Variants in RCAN2 observed in about 807,000 individuals in gnomAD.
RCAN2 encodes the protein regulator of calcineurin 2, also known as calcipressin-2.
A neutral mutation model predicts 23.6 loss-of-function variants in RCAN2; 9 were observed. The ratio of observed to expected loss-of-function variants is 0.38; its 90% confidence interval spans 0.23 to 0.67. The LOEUF (loss-of-function observed/expected upper bound fraction) is 0.67. Among genes scored for constraint, RCAN2 ranks in the 30% least tolerant of loss-of-function variants. The pLI, the probability that RCAN2 is intolerant of heterozygous loss-of-function variation, is 0.51. For synonymous variants in RCAN2, 109 were observed against 115.7 expected (o/e 0.94, Z 0.37); for missense variants, 273 against 302.3 (o/e 0.90, Z 0.72).
At chr6:46,273,166 C>G (rs1767573190) in intron 2 of RCAN2, among the ~76,000 whole-genome samples, 1 of 152,192 alleles carries the variant, frequency 6.6e-6, no homozygotes, top group African/African-American at 2.4e-5. Flanking sequence ...AGCTCACGCT[C>G]ACACTATTTT....
intron 1 of RCAN2, among the ~76,000 whole-genome samples, chr6:46,472,641 T>C (rs1272386346): frequency 1.3e-5 from 2 of 152,156 alleles, no homozygotes; most frequent in African/African-American, 2.4e-5. Flanking sequence ...TGCCTCTCTT[T>C]CCAACCTGCA....
chr6:46,244,640 T>C (rs1561824540), intron 4 of RCAN2, among the ~76,000 whole-genome samples: 1 of 152,238 alleles, frequency 6.6e-6, no homozygotes, highest in South Asian at 2.1e-4. Context: ...AAGTCTGACA[T>C]AGCCTGAGCC....
intron 2 of RCAN2, among the ~76,000 whole-genome samples, chr6:46,394,258 G>T (rs1322550190): frequency 2.0e-5 from 3 of 152,228 alleles, no homozygotes; most frequent in African/African-American, 7.2e-5. Flanking sequence ...TTCAGTAGCA[G>T]TAAATCTGGA....
chr6:46,476,013 A>C (rs999501001), intron 1 of RCAN2, among the ~76,000 whole-genome samples: 4 of 152,334 alleles, frequency 2.6e-5, no homozygotes, highest in Middle Eastern at 3.4e-3. Context: ...ACACTGGTGA[A>C]GAAGGGGTAG....
chr6:46,394,498 G>A (rs1356702709), intron 2 of RCAN2, among the ~76,000 whole-genome samples: 1 of 151,524 alleles, frequency 6.6e-6, no homozygotes, highest in Non-Finnish European at 1.5e-5. Flanking sequence ...TAAAGAATTG[G>A]TCCAAAAGGC....
At chr6:46,252,399 G>A (rs545553974) in intron 2 of RCAN2, among the ~76,000 whole-genome samples, 5 of 152,194 alleles carry the variant, frequency 3.3e-5, no homozygotes, top group Non-Finnish European at 5.9e-5. Context: ...ATTTCTCCTC[G>A]ATCGTTAGTT....
At chr6:46,351,114 T>C (rs1396670425) in intron 2 of RCAN2, among the ~76,000 whole-genome samples, 1 of 152,234 alleles carries the variant, frequency 6.6e-6, no homozygotes. Context: ...AGTGGCATTA[T>C]TGGATAAAAT....
At chr6:46,273,403 CT>C (rs1209067816) in intron 2 of RCAN2, among the ~76,000 whole-genome samples, 2 of 152,178 alleles carry the variant, frequency 1.3e-5, no homozygotes. Context: ...TTAAAAGTTG[CT>C]TTCACATGTG....
chr6:46,341,938 G>A (rs979257931), intron 2 of RCAN2, among the ~76,000 whole-genome samples: 2 of 152,184 alleles, frequency 1.3e-5, no homozygotes, highest in African/African-American at 4.8e-5. Context: ...ACAGGGAAAT[G>A]CACAAGAAGG....
chr6:46,483,452 C>T (rs1768917863), intron 1 of RCAN2, among the ~76,000 whole-genome samples: 1 of 152,132 alleles, frequency 6.6e-6, no homozygotes, highest in Non-Finnish European at 1.5e-5. Context: ...CTCTCCCCAC[C>T]CATGATATCT....
chr6:46,468,767 T>G (rs1768466672), intron 1 of RCAN2: 1 of 974,526 alleles, frequency 1.0e-6, no homozygotes, highest in South Asian at 4.7e-5. Flanking sequence ...ACTCTTTCTC[T>G]CTCTCCGCTA....
At chr6:46,479,705 C>T (rs1024647289) in intron 1 of RCAN2, among the ~76,000 whole-genome samples, 9 of 151,180 alleles carry the variant, frequency 6.0e-5, no homozygotes, top group Admixed American at 5.3e-4. Flanking sequence ...GCCTCAGCCT[C>T]CTGAGTAGCT....
chr6:46,291,967 C>G (rs1372289988), intron 2 of RCAN2, among the ~76,000 whole-genome samples: 1 of 152,200 alleles, frequency 6.6e-6, no homozygotes, highest in Non-Finnish European at 1.5e-5. Flanking sequence ...CGGCAACCAG[C>G]ACAAGTAGCT....
chr6:46,353,917 A>G (rs1764744221), intron 2 of RCAN2, among the ~76,000 whole-genome samples: 1 of 152,212 alleles, frequency 6.6e-6, no homozygotes, highest in African/African-American at 2.4e-5. Flanking sequence ...ATGACATTTT[A>G]AAACCCATGG....
intron 2 of RCAN2, among the ~76,000 whole-genome samples, chr6:46,406,030 G>C (rs971073074): frequency 6.6e-6 from 1 of 152,222 alleles, no homozygotes; most frequent in Non-Finnish European, 1.5e-5. Flanking sequence ...CTCACTGCCC[G>C]GGGCAGCAGG....
chr6:46,368,328 A>T (rs1251662656), intron 2 of RCAN2, among the ~76,000 whole-genome samples: 1 of 152,194 alleles, frequency 6.6e-6, no homozygotes, highest in Non-Finnish European at 1.5e-5. Context: ...TTCTGGTATC[A>T]TATGCCTGGG....
chr6:46,230,215 C>G (rs1765831792), intron 4 of RCAN2, among the ~76,000 whole-genome samples: 1 of 152,212 alleles, frequency 6.6e-6, no homozygotes, highest in Non-Finnish European at 1.5e-5. Flanking sequence ...AGTTAGGCTA[C>G]TCAGGGGTCA....
intron 2 of RCAN2, among the ~76,000 whole-genome samples, chr6:46,346,271 T>C (rs903659064): frequency 3.3e-5 from 5 of 151,984 alleles, no homozygotes; most frequent in Non-Finnish European, 7.4e-5. Context: ...ATCTCTATAG[T>C]GAAAAGGAAA....
At chr6:46,255,993 T>A (rs1429735910) in intron 2 of RCAN2, among the ~76,000 whole-genome samples, 2 of 152,086 alleles carry the variant, frequency 1.3e-5, no homozygotes, top group Non-Finnish European at 2.9e-5. Flanking sequence ...AAGGAGAGGA[T>A]ATGGAGTGAT....
Sources: allele counts gnomAD v4.1 joint callset (sites outside exome capture counted in the v4.1 genomes callset), GRCh38; gene constraint gnomAD v4.1.1; transcripts MANE v1.5; gene names NCBI Gene and HGNC (gene_info 2026-07-23, HGNC 2026-07-21).